The following TMOD2 variants were observed in gnomAD, a reference collection of about 807,000 sequenced individuals.
The protein encoded by TMOD2 is tropomodulin-2.
In TMOD2, 22 loss-of-function variants were observed where a neutral mutation model predicts 39.9. That is an observed-to-expected ratio of 0.55 (90% confidence interval 0.39 to 0.79). The LOEUF (loss-of-function observed/expected upper bound fraction) is 0.79, where lower values mean the gene tolerates loss of function less well. Ranked by LOEUF, TMOD2 falls within the 30% of genes least tolerant of loss-of-function variation. The pLI is 0.00. For synonymous variants in TMOD2, 123 were observed against 146.1 expected, an observed-to-expected ratio of 0.84 and a Z score of 1.14; for missense variants, 386 against 413.3, an observed-to-expected ratio of 0.93 and a Z score of 0.57.
At chr15:51,775,570 C>CTTTTTT (rs869308022) in intron 4 of TMOD2, among the ~76,000 whole-genome samples, 95 of 81,206 alleles carry the variant, frequency 1.2e-3, no homozygotes, top group African/African-American at 1.3e-3. Flanking sequence ...ATTCTTTTTC[C>CTTTTTT]TTTTTTTTTT....
Position 51,810,942 on chromosome 15 carries a change from G to A in TMOD2, c.*2488G>A, listed in dbSNP as rs1327008984. Reference sequence around the variant, plus strand: ...TGTTTCTTTTGTACAAGCAGTTGTTGATAGTATTAAAGCAAGATAATGGGA... The same window carrying A: ...TGTTTCTTTTGTACAAGCAGTTGTTAATAGTATTAAAGCAAGATAATGGGA... On this transcript the variant is annotated 3_prime_UTR_variant, in exon 10 of 10. Transcript: ENST00000249700. 1.3e-5 allele frequency: 2 copies of A among 152,040 alleles called. No individual in the cohort carries two copies. The highest frequency in any genetic ancestry group is 2.4e-5 in the African/African-American group (1 of 41,386). 9.4% of individuals were successfully genotyped at this position (152,040 alleles called of 1,614,324 possible).
intron 5 of TMOD2, 149 bp from the exon 6 acceptor site, chr15:51,780,895 T>C (rs1296929936): frequency 3.2e-6 from 2 of 634,274 alleles, no homozygotes; most frequent in African/African-American, 3.7e-5. Flanking sequence ...ACCACTCCCA[T>C]GCTTGCTTAG....
rs762691629 is a variant in TMOD2, at chr15:51,814,427, A to C, written c.*5973A>C. 1.3e-5 allele frequency: 2 copies of C among 152,242 alleles called. No homozygotes were observed. Among genetic ancestry groups the C allele is most frequent in the Non-Finnish European group, 2.9e-5 (2 of 68,052 alleles). The allele number at this position is 152,242 out of a possible 1,614,324, so 9.4% of individuals were successfully genotyped here. ...GCCCTGGTCAGTAATATTTCTGCTA[A>C]GAAAGGTTTTGAAGCATGGCCTCCA... On this transcript the variant is annotated 3_prime_UTR_variant, in exon 10 of 10. Coordinates refer to ENST00000249700, the MANE Select transcript of TMOD2 (RefSeq NM_014548.4).
intron 5 of TMOD2, among the ~76,000 whole-genome samples, 158 bp downstream of exon 5, chr15:51,777,176 T>C (rs1370397610): frequency 1.3e-5 from 2 of 152,194 alleles, no homozygotes; most frequent in Non-Finnish European, 2.9e-5. Context: ...CAGCTGACAA[T>C]GAGAGCTCCA....
chr15:51,761,077 A>C (rs2055777511), intron 1 of TMOD2, among the ~76,000 whole-genome samples: 1 of 152,216 alleles, frequency 6.6e-6, no homozygotes, highest in Non-Finnish European at 1.5e-5. Context: ...AGAGGGAGCC[A>C]TTGTAAGTTC....
intron 3 of TMOD2, among the ~76,000 whole-genome samples, chr15:51,772,256 T>G (rs1476367185): frequency 6.6e-6 from 1 of 152,032 alleles, no homozygotes; most frequent in East Asian, 1.9e-4. Flanking sequence ...ACTCTACAGA[T>G]CAAAATGGAA....
rs869308022 is a variant in TMOD2, at chr15:51,775,570, C to CTTTTTTTTTTTTTTTTTTTTTTTTTTTT, written c.407-1337_407-1336insTTTTTTTTTTTTTTTTTTTTTTTTTTTT. Reference sequence around the variant, plus strand: ...GAGACACAGTGACAAATTCTTTTTCCTTTTTTTTTTTTTTTTTTTTTTTTT... The same window carrying CTTTTTTTTTTTTTTTTTTTTTTTTTTTT: ...GAGACACAGTGACAAATTCTTTTTCCTTTTTTTTTTTTTTTTTTTTTTTTTTTTTTTTTTTTTTTTTTTTTTTTTTTTT... On this transcript the variant is annotated intron_variant, in intron 4 of 9. Coordinates refer to ENST00000249700, the MANE Select transcript of TMOD2 (RefSeq NM_014548.4). 3.7e-5 allele frequency among the ~76,000 whole-genome samples: 3 copies of CTTTTTTTTTTTTTTTTTTTTTTTTTTTT among 81,210 alleles called. 1 individual carries two copies. Among genetic ancestry groups the CTTTTTTTTTTTTTTTTTTTTTTTTTTTT allele is most frequent in the African/African-American group, 1.0e-4 (2 of 19,220 alleles). The allele number at this position is 81,210 out of a possible 152,430, so 53.3% of individuals were successfully genotyped here.
intron 8 of TMOD2, among the ~76,000 whole-genome samples, chr15:51,801,334 G>A (rs1215505469): frequency 2.0e-5 from 3 of 149,786 alleles, no homozygotes; most frequent in Admixed American, 1.3e-4. Flanking sequence ...ATTTTCTAGA[G>A]GAATTGGAAA....
At chr15:51,775,056 G>A (rs954471123) in intron 4 of TMOD2, among the ~76,000 whole-genome samples, 2 of 152,218 alleles carry the variant, frequency 1.3e-5, no homozygotes, top group Admixed American at 6.5e-5. Flanking sequence ...GCTGTTGGCA[G>A]CATCTTTAGG....
intron 1 of TMOD2, among the ~76,000 whole-genome samples, chr15:51,764,914 T>G (rs189589792): frequency 6.6e-6 from 1 of 152,258 alleles, no homozygotes; most frequent in Admixed American, 6.5e-5. Context: ...TCAAACCTAC[T>G]TTTTACATTA....
chr15:51,795,956 G>T (rs1469322228), intron 7 of TMOD2, among the ~76,000 whole-genome samples: 2 of 129,056 alleles, frequency 1.5e-5, no homozygotes, highest in African/African-American at 3.0e-5. Context: ...TTGTGGGGCA[G>T]GGAGGAAAAT....
chr15:51,763,371 A>T (rs754629907), intron 1 of TMOD2, among the ~76,000 whole-genome samples: 2 of 152,268 alleles, frequency 1.3e-5, no homozygotes, highest in African/African-American at 2.4e-5. Context: ...AAAAGGGGAA[A>T]TGTAAGTGAA....
intron 9 of TMOD2, 74 bp from the exon 10 acceptor site, chr15:51,808,346 G>T: frequency 1.6e-6 from 2 of 1,223,986 alleles, no homozygotes; most frequent in South Asian, 1.3e-5. Context: ...CATCTTATGT[G>T]ATTAATGTTG....
intron 8 of TMOD2, among the ~76,000 whole-genome samples, chr15:51,804,674 G>A (rs1223121994): frequency 6.6e-6 from 1 of 151,768 alleles, no homozygotes; most frequent in Non-Finnish European, 1.5e-5. Context: ...CCGGGTTCAA[G>A]CAATTCTCCT....
At chr15:51,796,691 T>C (rs2056053501) in intron 7 of TMOD2, among the ~76,000 whole-genome samples, 1 of 152,222 alleles carries the variant, frequency 6.6e-6, no homozygotes, top group African/African-American at 2.4e-5. Context: ...AACAATATGC[T>C]GTTATAGAAG....
intron 7 of TMOD2, among the ~76,000 whole-genome samples, chr15:51,796,103 G>C (rs1438136422): frequency 7.4e-6 from 1 of 135,160 alleles, no homozygotes; most frequent in Non-Finnish European, 1.6e-5. Context: ...ATAATGGAGA[G>C]CAAGGTTGGT....
intron 1 of TMOD2, among the ~76,000 whole-genome samples, chr15:51,764,728 A>G (rs2055805113): frequency 6.6e-6 from 1 of 152,038 alleles, no homozygotes; most frequent in African/African-American, 2.4e-5. Flanking sequence ...CTCTACCAGC[A>G]TATCATTTAC....
Position 51,778,096 on chromosome 15 carries a change from A to G in TMOD2, c.493+1078A>G, listed in dbSNP as rs552289238. On this transcript the variant is annotated intron_variant, in intron 5 of 9. Transcript: ENST00000249700. ...AGACTTGGAACCAAGCCAAATGTCC[A>G]ACAATGATAGACTGGATTAAGAAAA... is the stretch of plus-strand genomic sequence containing the variant. 3.3e-5 allele frequency among the ~76,000 whole-genome samples: 5 copies of G among 151,934 alleles called. No individual in the cohort carries two copies. The East Asian group carries it at 9.7e-4, about 29-fold the overall frequency.
rs1037141834 is a variant in TMOD2, at chr15:51,810,897, A to T, written c.*2443A>T. 7 of 152,006 alleles carry T rather than the reference A, an allele frequency of 4.6e-5. No homozygotes were observed. In the East Asian group the frequency reaches 7.7e-4, roughly 17 times the overall value. 9.4% of individuals were successfully genotyped at this position (152,006 alleles called of 1,614,324 possible). A position where few individuals can be genotyped will look rare whatever the true frequency, so the allele number is the denominator to read the frequency against. On this transcript the variant is annotated 3_prime_UTR_variant, in exon 10 of 10. Coordinates refer to ENST00000249700, the MANE Select transcript of TMOD2 (RefSeq NM_014548.4). ...CTCTGGCAGAAAGCAAGAAAAAAAG[A>T]ATCAGAATTCAATCATGGCTGTTTC...
Sources: gnomAD v4.1 joint callset for allele counts (sites outside exome capture counted in the v4.1 genomes callset) on GRCh38, gnomAD v4.1.1 for gene constraint, MANE v1.5 for transcripts, NCBI Gene and HGNC (gene_info 2026-07-23, HGNC 2026-07-21) for gene names.